The following ABCB10 variants were observed in gnomAD, a reference collection of about 807,000 sequenced individuals.
ABCB10 encodes ATP binding cassette subfamily B member 10.
A neutral mutation model predicts 65.4 loss-of-function variants in ABCB10; 54 were observed. That is an observed-to-expected ratio of 0.83 (90% CI 0.66 to 1.04). The LOEUF (loss-of-function observed/expected upper bound fraction) is 1.04. Among genes scored for constraint, ABCB10 ranks in the 50% least tolerant of loss-of-function variants. The pLI, the probability that ABCB10 is intolerant of heterozygous loss-of-function variation, is 0.00. For synonymous variants in ABCB10, 418 were observed against 406.5 expected (o/e 1.03, Z -0.34); for missense variants, 846 against 976.6 (o/e 0.87, Z 1.78).
At chr1:229,540,565 A>G (rs549571275) in intron 5 of ABCB10, 41 bp downstream of exon 5, 2 of 1,568,722 alleles carry the variant, frequency 1.3e-6, no homozygotes, top group Non-Finnish European at 1.7e-6. Flanking sequence ...TCACCATTCT[A>G]ACATTTGCCA....
intron 1 of ABCB10, among the ~76,000 whole-genome samples, chr1:229,555,949 C>T (rs961111379): frequency 1.5e-5 from 2 of 134,494 alleles, no homozygotes; most frequent in Non-Finnish European, 3.1e-5. Flanking sequence ...ATCCTCATAA[C>T]ATACAATATG....
chr1:229,543,458 C>T (rs553806847), intron 3 of ABCB10, among the ~76,000 whole-genome samples: 3 of 152,258 alleles, frequency 2.0e-5, no homozygotes, highest in East Asian at 1.9e-4. Flanking sequence ...AATCAGTACA[C>T]GGCTAAATAA....
At chr1:229,533,567 T>C (rs1558122847) in intron 6 of ABCB10, among the ~76,000 whole-genome samples, 4 of 152,204 alleles carry the variant, frequency 2.6e-5, no homozygotes, top group Admixed American at 2.6e-4. Flanking sequence ...CAAGATACAA[T>C]GGACTAAAAT....
intron 6 of ABCB10, among the ~76,000 whole-genome samples, chr1:229,533,164 C>T (rs137902568): frequency 4.0e-5 from 6 of 151,760 alleles, no homozygotes; most frequent in South Asian, 2.1e-4. Flanking sequence ...TTTTTTGAGA[C>T]GGAGTCTTGC....
intron 11 of ABCB10, among the ~76,000 whole-genome samples, chr1:229,521,153 C>T (rs978166573): frequency 5.3e-5 from 8 of 151,920 alleles, no homozygotes; most frequent in African/African-American, 9.7e-5. Flanking sequence ...AGAGAATGCC[C>T]GCCTTTCAGC....
chr1:229,520,426 G>T (rs755769888), intron 11 of ABCB10, among the ~76,000 whole-genome samples: 2 of 136,624 alleles, frequency 1.5e-5, no homozygotes, highest in African/African-American at 2.8e-5. Flanking sequence ...CGCTGAGATC[G>T]ACCACTGCAC....
At chr1:229,524,830 C>T (rs1662396758) in intron 10 of ABCB10, among the ~76,000 whole-genome samples, 1 of 152,132 alleles carries the variant, frequency 6.6e-6, no homozygotes, top group South Asian at 2.1e-4. Context: ...TGTGTGACAG[C>T]CATCATATGT....
At chr1:229,557,816 T>C (rs1663294495) in intron 1 of ABCB10, among the ~76,000 whole-genome samples, 1 of 152,184 alleles carries the variant, frequency 6.6e-6, no homozygotes, top group Admixed American at 6.5e-5. Context: ...CTCCAGCTCA[T>C]TTTGCTGCCT....
chr1:229,537,215 A>G (rs1662741656), intron 6 of ABCB10, among the ~76,000 whole-genome samples: 1 of 152,198 alleles, frequency 6.6e-6, no homozygotes, highest in African/African-American at 2.4e-5. Flanking sequence ...TGGGAACTAG[A>G]TGGAGGTAGT....
intron 9 of ABCB10, among the ~76,000 whole-genome samples, chr1:229,526,698 AAAAATT>A (rs1201366068): frequency 3.3e-5 from 5 of 152,238 alleles, no homozygotes; most frequent in African/African-American, 1.2e-4. Context: ...GCCTGGTAAT[AAAAATT>A]AAAACAGCTG....
chr1:229,517,025 A>T lies in ABCB10; in HGVS notation c.*1154T>A, dbSNP rs907518164. ...TCTTAGGGTCTAGCCTCATCCATGG[A>T]GAAAAAGCACTTTTTCTTGAGGCAA... On this transcript the variant is annotated 3_prime_UTR_variant, in exon 13 of 13. Transcript: ENST00000344517. 6 of 152,360 alleles carry T rather than the reference A, an allele frequency of 3.9e-5. No individual in the cohort carries two copies. Among genetic ancestry groups the T allele is most frequent in the African/African-American group, 1.4e-4 (6 of 41,588 alleles). The allele number at this position is 152,360 out of a possible 1,614,324, so 9.4% of individuals were successfully genotyped here.
At chr1:229,538,818 C>T (rs1662777620) in intron 6 of ABCB10, among the ~76,000 whole-genome samples, 1 of 152,138 alleles carries the variant, frequency 6.6e-6, no homozygotes, top group Non-Finnish European at 1.5e-5. Context: ...ACTTACCTGA[C>T]CTTTCCATCT....
intron 3 of ABCB10, among the ~76,000 whole-genome samples, chr1:229,547,132 G>A (rs957724612): frequency 6.6e-6 from 1 of 152,136 alleles, no homozygotes; most frequent in Non-Finnish European, 1.5e-5. Flanking sequence ...AGCACAGTTC[G>A]ACTTACACAC....
chr1:229,540,660 A>G lies in ABCB10; in HGVS notation c.1149T>C (p.His383=). 6.2e-7 allele frequency: 1 copy of G among 1,612,664 alleles called. No homozygotes were observed. Among genetic ancestry groups the G allele is most frequent in the Non-Finnish European group, 8.5e-7 (1 of 1,180,008 alleles). ...CCTCTTTCCTTGCTAACTGCATTACATGGTCCACTTTGCTGGCATATTTCT... is the reference window on the plus strand; with the variant it reads ...CCTCTTTCCTTGCTAACTGCATTACGTGGTCCACTTTGCTGGCATATTTCT... The part of the protein sequence containing the change: ...EIEKYASKVD[H]VMQLARKEAF... Residue 383 remains histidine, a synonymous_variant, in exon 5 of 13, where the codon CAT becomes CAC. Coordinates refer to ENST00000344517, the MANE Select transcript of ABCB10 (RefSeq NM_012089.3).
rs532995103 is a variant in ABCB10 at position 229,558,577 on chromosome 1, C to A, written c.76G>T (p.Val26Leu). ...SPAEPGRLLP[V>L]ACVWAAASRV... ...CTGGCCGCGGCCCACACGCAGGCTA[C>A]CGGCAGGAGCCGACCTGGCTCGGCA... Residue 26 changes from valine (V) to leucine (L), a missense_variant, in exon 1 of 13, where the codon GTA becomes TTA. This residue lies in a region of ABCB10 where 214 missense variants were observed against 173.5 expected (regional missense o/e 1.23). Coordinates refer to ENST00000344517, the MANE Select transcript of ABCB10 (RefSeq NM_012089.3). The A allele has an allele frequency of 6.9e-7, 1 of 1,444,218 alleles. No individual in the cohort carries two copies. The allele number at this position is 1,444,218 out of a possible 1,614,324, so 89.5% of individuals were successfully genotyped here.
At chr1:229,545,061 T>C (rs546218877) in intron 3 of ABCB10, among the ~76,000 whole-genome samples, 1 of 152,342 alleles carries the variant, frequency 6.6e-6, no homozygotes, top group East Asian at 1.9e-4. Context: ...TACATTTCTG[T>C]TGTTTCAGCC....
chr1:229,525,875 G>A, intron 10 of ABCB10, 61 bp downstream of exon 10: 1 of 1,525,048 alleles, frequency 6.6e-7, no homozygotes, highest in South Asian at 1.3e-5. Flanking sequence ...AAAAAAACAA[G>A]AAACATGTGA....
intron 1 of ABCB10, among the ~76,000 whole-genome samples, chr1:229,555,089 T>C (rs993631109): frequency 6.6e-6 from 1 of 152,148 alleles, no homozygotes. Flanking sequence ...GATACATGTG[T>C]GCAGTCCACA....
intron 10 of ABCB10, 36 bp from the exon 11 acceptor site, chr1:229,521,671 A>G: frequency 6.2e-7 from 1 of 1,608,306 alleles, no homozygotes; most frequent in East Asian, 2.2e-5. Context: ...GAAGGCCTCA[A>G]CAAAAAATCT....
Sources: gnomAD v4.1 joint callset for allele counts (sites outside exome capture counted in the v4.1 genomes callset) on GRCh38, gnomAD v4.1.1 for gene constraint, gnomAD v4.1.1 regional missense constraint, MANE v1.5 for transcripts, NCBI Gene and HGNC (gene_info 2026-07-23, HGNC 2026-07-21) for gene names.